The following PDE3A variants were observed in gnomAD, a reference collection of about 807,000 sequenced individuals.
PDE3A encodes cGMP-inhibited 3',5'-cyclic phosphodiesterase 3A.
PDE3A carries 43 observed loss-of-function variants against 98.3 expected under a neutral mutation model. The ratio of observed to expected loss-of-function variants is 0.44; its 90% CI spans 0.34 to 0.56. PDE3A has a LOEUF of 0.56. PDE3A is among the 20% of genes least tolerant of loss of function. PDE3A has a pLI of 0.01. For missense variants in PDE3A, 1,427 were observed against 1,440.7 expected, an observed-to-expected ratio of 0.99 and a Z score of 0.15; for synonymous variants, 663 against 567.9, an observed-to-expected ratio of 1.17 and a Z score of -2.38.
intron 1 of PDE3A, among the ~76,000 whole-genome samples, chr12:20,392,071 T>A (rs1001417989): frequency 1.3e-5 from 2 of 151,928 alleles, no homozygotes; most frequent in African/African-American, 4.8e-5. Flanking sequence ...TGCACTTGCT[T>A]TTTTTTGTCA....
chr12:20,370,411 TTTTTTTTTTTTG>T (rs1943450872), intron 1 of PDE3A, 167 bp downstream of exon 1: 1 of 422,306 alleles, frequency 2.4e-6, no homozygotes, highest in Non-Finnish European at 3.9e-6. Context: ...TTTTTTTTGT[TTTTTTTTTTTTG>T]TTTTTTTGCC....
rs781398857 is a variant in PDE3A at position 20,397,292 on chromosome 12, C to T, written c.960+27048C>T. Reference sequence around the variant, plus strand: ...TATGTCTCTATATATTCTAGTAAATCATAGTTAAAAATTTTTGTGCATATG... The same window carrying T: ...TATGTCTCTATATATTCTAGTAAATTATAGTTAAAAATTTTTGTGCATATG... On this transcript the variant is annotated intron_variant, in intron 1 of 15. Transcript: ENST00000359062. Among the ~76,000 whole-genome samples the T allele has an allele frequency of 2.0e-5, 3 of 151,896 alleles. No homozygotes were observed. The East Asian group carries it at 5.8e-4, about 29-fold the overall frequency.
intron 1 of PDE3A, among the ~76,000 whole-genome samples, chr12:20,504,814 A>G (rs920419634): frequency 9.2e-5 from 14 of 152,084 alleles, no homozygotes; most frequent in African/African-American, 3.4e-4. Flanking sequence ...GTACCTTGTG[A>G]TAACATTGGG....
At chr12:20,633,474 C>G (rs1217577680) in intron 6 of PDE3A, among the ~76,000 whole-genome samples, 4 of 152,152 alleles carry the variant, frequency 2.6e-5, no homozygotes, top group Admixed American at 2.6e-4. Context: ...AATGAACTTT[C>G]TAATCCTTTG....
At chr12:20,375,703 A>G (rs1156712700) in intron 1 of PDE3A, among the ~76,000 whole-genome samples, 1 of 151,970 alleles carries the variant, frequency 6.6e-6, no homozygotes, top group Non-Finnish European at 1.5e-5. Flanking sequence ...AATAATATAC[A>G]GATAGATGTG....
chr12:20,534,027 T>C (rs1031474009), intron 1 of PDE3A, among the ~76,000 whole-genome samples: 5 of 152,122 alleles, frequency 3.3e-5, no homozygotes, highest in Non-Finnish European at 7.4e-5. Context: ...TCCATATACC[T>C]GGCATGATCC....
At chr12:20,574,221 C>T (rs1942873677) in intron 2 of PDE3A, among the ~76,000 whole-genome samples, 1 of 152,026 alleles carries the variant, frequency 6.6e-6, no homozygotes, top group South Asian at 2.1e-4. Context: ...ATTAACTATA[C>T]CTGGTCTTCT....
intron 3 of PDE3A, among the ~76,000 whole-genome samples, chr12:20,616,015 C>T (rs909078704): frequency 1.8e-4 from 28 of 152,136 alleles, no homozygotes; most frequent in African/African-American, 5.8e-4. Flanking sequence ...TGAGCCACTA[C>T]GCCTGACTGC....
intron 1 of PDE3A, among the ~76,000 whole-genome samples, chr12:20,438,191 A>G (rs1353969104): frequency 6.6e-6 from 1 of 152,094 alleles, no homozygotes; most frequent in Non-Finnish European, 1.5e-5. Context: ...AGTTATAGCT[A>G]TTTATCTTTT....
At chr12:20,579,554 A>G (rs754772111) in intron 2 of PDE3A, among the ~76,000 whole-genome samples, 1 of 151,996 alleles carries the variant, frequency 6.6e-6, no homozygotes. Context: ...TCCTTCATCT[A>G]CCTTCGAAAT....
At chr12:20,490,305 C>A (rs1035962981) in intron 1 of PDE3A, among the ~76,000 whole-genome samples, 2 of 152,144 alleles carry the variant, frequency 1.3e-5, no homozygotes, top group Admixed American at 1.3e-4. Flanking sequence ...CTTTACCTAG[C>A]AGGAAAATTA....
intron 2 of PDE3A, among the ~76,000 whole-genome samples, chr12:20,607,297 C>G (rs73234002): frequency 0.016 from 2,473 of 151,814 alleles, 66 homozygotes; most frequent in African/African-American, 0.057. Context: ...AAAAATTAGG[C>G]ATGGTGGTGT....
At chr12:20,526,376 C>A (rs1946518394) in intron 1 of PDE3A, among the ~76,000 whole-genome samples, 1 of 152,100 alleles carries the variant, frequency 6.6e-6, no homozygotes, top group African/African-American at 2.4e-5. Flanking sequence ...ATTTTGAAAA[C>A]TTATTTGCCT....
At position 20,646,011 on chromosome 12, in the gene PDE3A, A is replaced by G. The variant is rs1247806909; in HGVS notation, c.2252-479A>G. Among the ~76,000 whole-genome samples, 3 of 152,184 alleles carry G rather than the reference A, an allele frequency of 2.0e-5. No homozygotes were observed. In the East Asian group the frequency reaches 5.8e-4, roughly 29 times the overall value. ...AAAAGATATGTTATTGCAGTGCTTTAAGATTGATACAGAAAAATGGTATTA... is the reference window on the plus strand; with the variant it reads ...AAAAGATATGTTATTGCAGTGCTTTGAGATTGATACAGAAAAATGGTATTA... On this transcript the variant is annotated intron_variant, in intron 10 of 15. Transcript: ENST00000359062.
intron 2 of PDE3A, among the ~76,000 whole-genome samples, chr12:20,594,288 GCTGT>G (rs1943411369): frequency 6.6e-6 from 1 of 152,114 alleles, no homozygotes; most frequent in Non-Finnish European, 1.5e-5. Flanking sequence ...AAACAAATAT[GCTGT>G]CTATTAGAAG....
In PDE3A at chr12:20,682,223, CTGTT is replaced by C. The variant is rs1174075616; in HGVS notation, c.*1957_*1960del. 5 of 152,182 alleles carry C rather than the reference CTGTT, an allele frequency of 3.3e-5. No individual in the cohort carries two copies. Among genetic ancestry groups the C allele is most frequent in the East Asian group, 1.9e-4 (1 of 5,196 alleles). 9.4% of individuals were successfully genotyped at this position (152,182 alleles called of 1,614,324 possible). On this transcript the variant is annotated 3_prime_UTR_variant, in exon 16 of 16. Transcript: ENST00000359062. ...AGTTGGTGTCCATTTCTTTCCAACA[CTGTT>C]TGTTATGATTCTTCCTTGAGTACTT... is the stretch of plus-strand genomic sequence containing the variant.
intron 15 of PDE3A, among the ~76,000 whole-genome samples, chr12:20,670,929 C>T (rs1945458256): frequency 7.8e-6 from 1 of 128,180 alleles, no homozygotes; most frequent in East Asian, 2.2e-4. Context: ...TTGAAAGGAT[C>T]AACAAAATTG....
In PDE3A at chr12:20,458,382, CA is replaced by C. The variant is rs778748970; in HGVS notation, c.960+88150del. ...CGAGGTATATAAATATTAAGCTTTC[CA>C]AAAAAAAAAAACCAATTTTGGGTTG... On this transcript the variant is annotated intron_variant, in intron 1 of 15. Transcript: ENST00000359062. Among the ~76,000 whole-genome samples, 173 of 125,146 alleles carry C rather than the reference CA, an allele frequency of 1.4e-3. 3 individuals carry two copies. The highest frequency in any genetic ancestry group is 2.3e-3 in the African/African-American group (78 of 34,094). 82.1% of individuals were successfully genotyped at this position (125,146 alleles called of 152,430 possible).
intron 2 of PDE3A, among the ~76,000 whole-genome samples, chr12:20,562,203 G>A (rs1157635962): frequency 6.8e-6 from 1 of 147,936 alleles, no homozygotes. Flanking sequence ...AGTAAAGAGA[G>A]GCAACAGAAA....
Sources: gnomAD v4.1 joint callset for allele counts (sites outside exome capture counted in the v4.1 genomes callset) on GRCh38, gnomAD v4.1.1 for gene constraint, MANE v1.5 for transcripts, NCBI Gene and HGNC (gene_info 2026-07-23, HGNC 2026-07-21) for gene names.